Variants in DTNBP1 observed in about 807,000 individuals in gnomAD.
DTNBP1 encodes the protein dystrobrevin binding protein 1, also known as dysbindin.
DTNBP1 carries 35 observed loss-of-function variants against 42.8 expected under a neutral mutation model. The ratio of observed to expected loss-of-function variants is 0.82; its 90% confidence interval spans 0.63 to 1.09. The LOEUF is 1.09. Among genes scored for constraint, DTNBP1 ranks in the 50% least tolerant of loss-of-function variants. The pLI is 0.00. For missense variants in DTNBP1, 457 were observed against 424.2 expected, an observed-to-expected ratio of 1.08 and a Z score of -0.68; for synonymous variants, 171 against 162.2, an observed-to-expected ratio of 1.05 and a Z score of -0.41.
At chr6:15,558,732 C>G (rs1197874543) in intron 7 of DTNBP1, among the ~76,000 whole-genome samples, 1 of 152,156 alleles carries the variant, frequency 6.6e-6, no homozygotes, top group Non-Finnish European at 1.5e-5. Flanking sequence ...CTGTTTATGA[C>G]TTTCTACTTA....
chr6:15,556,545 T>C (rs115035362), intron 7 of DTNBP1, among the ~76,000 whole-genome samples: 1,869 of 152,288 alleles, frequency 0.012, 39 homozygotes, highest in African/African-American at 0.041. Context: ...GAATTGGGCA[T>C]GTACAGAAGC....
rs562923728 is a variant in DTNBP1, at chr6:15,632,734, T to C, written c.222+5010A>G. ...ATGTATTTTCTGCATCTGACGATCA[T>C]TTTCACTTTTAATACTTAAGAGTCA... On this transcript the variant is annotated intron_variant, in intron 4 of 9. Transcript: ENST00000344537. Among the ~76,000 whole-genome samples the C allele has an allele frequency of 1.5e-4, 23 of 152,354 alleles. No homozygotes were observed. The South Asian group carries it at 3.7e-3, about 25-fold the overall frequency.
At chr6:15,606,693 G>A (rs1014179071) in intron 6 of DTNBP1, among the ~76,000 whole-genome samples, 5 of 152,104 alleles carry the variant, frequency 3.3e-5, no homozygotes, top group African/African-American at 1.2e-4. Flanking sequence ...AAGCTACAGG[G>A]TGTGCAAACA....
intron 7 of DTNBP1, among the ~76,000 whole-genome samples, chr6:15,578,847 T>C (rs1199742924): frequency 6.6e-6 from 1 of 152,108 alleles, no homozygotes; most frequent in Non-Finnish European, 1.5e-5. Context: ...AAAACCACAG[T>C]GAGGTATCAT....
At chr6:15,593,536 G>A (rs536823492) in intron 6 of DTNBP1, among the ~76,000 whole-genome samples, 1 of 152,272 alleles carries the variant, frequency 6.6e-6, no homozygotes, top group East Asian at 1.9e-4. Context: ...CCTTTCAACA[G>A]CAAAAGAGAA....
chr6:15,642,732 T>C (rs1334040105), intron 3 of DTNBP1, among the ~76,000 whole-genome samples: 1 of 152,194 alleles, frequency 6.6e-6, no homozygotes, highest in Non-Finnish European at 1.5e-5. Context: ...CATATAGCAT[T>C]TGGCTCTGTG....
chr6:15,633,686 A>G (rs1051156130), intron 4 of DTNBP1, among the ~76,000 whole-genome samples: 1 of 152,154 alleles, frequency 6.6e-6, no homozygotes, highest in Non-Finnish European at 1.5e-5. Context: ...TTGTGAAAGG[A>G]AGAGTCAATA....
intron 7 of DTNBP1, among the ~76,000 whole-genome samples, chr6:15,572,601 T>C (rs1302142055): frequency 6.6e-6 from 1 of 152,230 alleles, no homozygotes; most frequent in East Asian, 1.9e-4. Flanking sequence ...AATGCAGTCT[T>C]TAAAGCAATT....
intron 6 of DTNBP1, among the ~76,000 whole-genome samples, chr6:15,594,774 T>C (rs910643763): frequency 6.6e-6 from 1 of 152,074 alleles, no homozygotes; most frequent in Non-Finnish European, 1.5e-5. Flanking sequence ...TTTTTTTTTT[T>C]CTATGATTAC....
chr6:15,661,913 G>A (rs1020615939), intron 1 of DTNBP1, among the ~76,000 whole-genome samples: 2 of 152,108 alleles, frequency 1.3e-5, no homozygotes, highest in African/African-American at 2.4e-5. Context: ...TTACGGTAGC[G>A]GAAACAGTAC....
chr6:15,588,977 C>T (rs1776189814), intron 7 of DTNBP1, among the ~76,000 whole-genome samples: 1 of 152,064 alleles, frequency 6.6e-6, no homozygotes, highest in South Asian at 2.1e-4. Flanking sequence ...TAAGCTTTGC[C>T]ACAGTCCTTT....
At chr6:15,562,822 C>A (rs1774905268) in intron 7 of DTNBP1, among the ~76,000 whole-genome samples, 1 of 152,184 alleles carries the variant, frequency 6.6e-6, no homozygotes, top group Non-Finnish European at 1.5e-5. Flanking sequence ...TCTCCTGGGT[C>A]CAAGCTGCCA....
At position 15,607,477 on chromosome 6, in the gene DTNBP1, T is replaced by C. The variant is rs546584297; in HGVS notation, c.488+7790A>G. Among the ~76,000 whole-genome samples, 6 of 152,016 alleles carry C rather than the reference T, an allele frequency of 3.9e-5. No individual in the cohort carries two copies. The East Asian group carries it at 9.7e-4, about 25-fold the overall frequency. ...ACACCATGCCCAGCTAATTTTTATATTTTTAGTAGAGATGGGGTTTCACCA... is the reference window on the plus strand; with the variant it reads ...ACACCATGCCCAGCTAATTTTTATACTTTTAGTAGAGATGGGGTTTCACCA... On this transcript the variant is annotated intron_variant, in intron 6 of 9. Coordinates refer to ENST00000344537, the MANE Select transcript of DTNBP1 (RefSeq NM_032122.5).
chr6:15,641,407 C>A (rs1316778086), intron 3 of DTNBP1, among the ~76,000 whole-genome samples: 1 of 152,112 alleles, frequency 6.6e-6, no homozygotes, highest in Non-Finnish European at 1.5e-5. Context: ...CAGCAAGACT[C>A]TGGCAGAGAT....
At chr6:15,607,275 A>G (rs1758124349) in intron 6 of DTNBP1, among the ~76,000 whole-genome samples, 1 of 150,950 alleles carries the variant, frequency 6.6e-6, no homozygotes, top group Non-Finnish European at 1.5e-5. Flanking sequence ...CTGGGATTAC[A>G]GGCATGAGCC....
At chr6:15,536,190 C>A (rs1255437091) in intron 7 of DTNBP1, among the ~76,000 whole-genome samples, 1 of 152,178 alleles carries the variant, frequency 6.6e-6, no homozygotes, top group African/African-American at 2.4e-5. Flanking sequence ...AAAAGAAAAA[C>A]CCATTTTCTG....
chr6:15,558,397 T>C (rs1312927478), intron 7 of DTNBP1, among the ~76,000 whole-genome samples: 2 of 151,672 alleles, frequency 1.3e-5, no homozygotes, highest in Non-Finnish European at 2.9e-5. Flanking sequence ...CTCCCAAGTA[T>C]CTGGGACTAT....
chr6:15,522,891 T>TAAAAC lies in DTNBP1; in HGVS notation c.*79_*83dup. 1 of 1,612,110 alleles carries TAAAAC rather than the reference T, an allele frequency of 6.2e-7. No individual in the cohort carries two copies. The highest frequency in any genetic ancestry group is 1.7e-5 in the Admixed American group (1 of 60,016). On this transcript the variant is annotated 3_prime_UTR_variant, in exon 10 of 10. Coordinates refer to ENST00000344537, the MANE Select transcript of DTNBP1 (RefSeq NM_032122.5). ...ATTATGTAAAAATCAAGAACCTCTA[T>TAAAAC]AAAACAACCTGGCTTTCCAGGTGGA...
chr6:15,555,148 C>T (rs774863421), intron 7 of DTNBP1, among the ~76,000 whole-genome samples: 7 of 150,264 alleles, frequency 4.7e-5, no homozygotes, highest in African/African-American at 1.7e-4. Flanking sequence ...CAGTCAGTTA[C>T]GGGGCTTAGG....
Sources: gnomAD v4.1 joint callset for allele counts (sites outside exome capture counted in the v4.1 genomes callset) on GRCh38, gnomAD v4.1.1 for gene constraint, MANE v1.5 for transcripts, NCBI Gene and HGNC (gene_info 2026-07-23, HGNC 2026-07-21) for gene names.